Variants in SMC6 observed in about 807,000 individuals in gnomAD.
SMC6 encodes the protein structural maintenance of chromosomes 6.
SMC6 carries 79 observed loss-of-function variants against 142.2 expected under a neutral mutation model. That is an observed-to-expected ratio of 0.56 (90% confidence interval 0.46 to 0.67). SMC6 has a LOEUF of 0.67. SMC6 is among the 30% of genes least tolerant of loss of function. The probability of loss-of-function intolerance (pLI) is 0.00; values close to 1 mark genes in which losing one functional copy is unlikely to be tolerated. For synonymous variants in SMC6, 411 were observed against 412.4 expected (o/e 1.00, Z 0.04); for missense variants, 1,072 against 1,284.0 (o/e 0.83, Z 2.52).
intron 3 of SMC6, among the ~76,000 whole-genome samples, chr2:17,745,396 T>C (rs1670694836): frequency 6.6e-6 from 1 of 152,202 alleles, no homozygotes; most frequent in African/African-American, 2.4e-5. Flanking sequence ...ATTCAGATGA[T>C]CTATTTCGTA....
chr2:17,714,380 C>CACCGCG, intron 16 of SMC6, among the ~76,000 whole-genome samples: 1 of 152,080 alleles, frequency 6.6e-6, no homozygotes, highest in East Asian at 1.9e-4. Flanking sequence ...AGGCATGAGC[C>CACCGCG]CCTGTGCCTG....
At chr2:17,712,106 G>T (rs1668855128) in intron 16 of SMC6, among the ~76,000 whole-genome samples, 1 of 152,108 alleles carries the variant, frequency 6.6e-6, no homozygotes, top group Admixed American at 6.5e-5. Context: ...GGAATATGAA[G>T]TTTGAAGGAA....
intron 5 of SMC6, among the ~76,000 whole-genome samples, chr2:17,733,646 A>ATGG (rs1670012151): frequency 6.6e-6 from 1 of 152,230 alleles, no homozygotes; most frequent in Non-Finnish European, 1.5e-5. Context: ...AAGTCGAGAG[A>ATGG]TGGTGAATCC....
intron 23 of SMC6, among the ~76,000 whole-genome samples, chr2:17,684,455 T>C (rs1667360518): frequency 6.6e-6 from 1 of 152,148 alleles, no homozygotes; most frequent in South Asian, 2.1e-4. Flanking sequence ...AAAACTCTCC[T>C]ACAGACAAAG....
intron 5 of SMC6, among the ~76,000 whole-genome samples, chr2:17,737,416 G>C (rs985206366): frequency 2.0e-5 from 3 of 152,230 alleles, no homozygotes; most frequent in Admixed American, 2.0e-4. Flanking sequence ...CCTCATGCTA[G>C]AAGATGTATG....
rs779704870 is a variant in SMC6 at position 17,700,202 on chromosome 2, A to G, written c.2394+6T>C. 3 of 1,574,940 alleles carry G rather than the reference A, an allele frequency of 1.9e-6. No homozygotes were observed. Among genetic ancestry groups the G allele is most frequent in the Non-Finnish European group, 2.6e-6 (3 of 1,160,288 alleles). ...ACATACGTAACACAGTACCAAAAAT[A>G]TATACCTTAAGTGGGTCTGCTAGCT... is the stretch of plus-strand genomic sequence containing the variant. On this transcript the variant is annotated splice_donor_region_variant and intron_variant, in intron 21 of 27. Coordinates refer to ENST00000448223, the MANE Select transcript of SMC6 (RefSeq NM_001142286.2).
intron 15 of SMC6, among the ~76,000 whole-genome samples, 165 bp from the exon 16 acceptor site, chr2:17,715,230 TTTATA>T (rs1328393067): frequency 6.6e-6 from 1 of 152,172 alleles, no homozygotes. Context: ...TTAACATACT[TTTATA>T]TAAAGCAGTT....
Position 17,678,912 on chromosome 2 carries a change from C to A in SMC6, c.2857G>T (p.Ala953Ser), listed in dbSNP as rs778573533. The A allele has an allele frequency of 1.2e-6, 2 of 1,612,464 alleles. No individual in the cohort carries two copies. The highest frequency in any genetic ancestry group is 1.7e-6 in the Non-Finnish European group (2 of 1,179,232). ...LYFDNLLSQRAYCGKMNFDHK... is the reference protein window; with the variant it reads ...LYFDNLLSQRSYCGKMNFDHK... ...TCAAAATTCATTTTTCCACAATAGG[C>A]CCGCTGAGATAGTAAGTTGTCAAAG... Residue 953 changes from alanine to serine, a missense_variant, in exon 25 of 28, where the codon GCC (alanine) becomes TCC (serine). Physicochemically the swap from Ala to Ser is moderately conservative, Grantham distance 99. Transcript: ENST00000448223.
chr2:17,751,620 T>C (rs1052701721), intron 2 of SMC6, among the ~76,000 whole-genome samples: 1 of 152,166 alleles, frequency 6.6e-6, no homozygotes, highest in African/African-American at 2.4e-5. Flanking sequence ...CTACTGGAAG[T>C]AGTTTGAATT....
chr2:17,679,051 C>A, intron 24 of SMC6, 87 bp from the exon 25 acceptor site: 1 of 845,350 alleles, frequency 1.2e-6, no homozygotes, highest in Non-Finnish European at 1.8e-6. Context: ...TGTGAGAAAA[C>A]CAGATGGAAA....
intron 23 of SMC6, among the ~76,000 whole-genome samples, chr2:17,684,802 G>T (rs896428390): frequency 6.6e-6 from 1 of 152,038 alleles, no homozygotes; most frequent in Non-Finnish European, 1.5e-5. Flanking sequence ...CTCCAGCCTG[G>T]GTGACAGAGC....
Position 17,683,712 on chromosome 2 carries a change from C to T in SMC6, c.2730G>A (p.Arg910=), listed in dbSNP as rs758321588. The T allele has an allele frequency of 1.8e-5, 29 of 1,610,724 alleles. No individual in the cohort carries two copies. The highest frequency in any genetic ancestry group is 2.4e-5 in the Non-Finnish European group (28 of 1,177,348). ...GTAATTTAATAAACTTTTTTAAAGT[C>T]CTCACTTTACTATCCAGATCAAGAT... ...ETYLDLDSKV[R]TLKKFIKLLG... is the part of the protein sequence containing the mutation. The change falls in exon 24 of 28, where the codon AGG becomes AGA. Residue 910 remains arginine, a synonymous_variant. Transcript: ENST00000448223.
At chr2:17,721,699 C>CT (rs370093937) in intron 9 of SMC6, among the ~76,000 whole-genome samples, 29,922 of 142,484 alleles carry the variant, frequency 0.21, 3,269 homozygotes, top group Non-Finnish European at 0.23. Context: ...ACTAAGTTCA[C>CT]TTTTTTTTTT....
chr2:17,745,755 C>T, intron 3 of SMC6, 72 bp downstream of exon 3: 1 of 1,438,784 alleles, frequency 7.0e-7, no homozygotes, highest in Non-Finnish European at 9.3e-7. Context: ...TTTAAGTTAT[C>T]ACAGAATGTG....
chr2:17,750,300 A>G (rs1024311672), intron 2 of SMC6, among the ~76,000 whole-genome samples: 2 of 152,210 alleles, frequency 1.3e-5, no homozygotes, highest in Non-Finnish European at 2.9e-5. Context: ...AGAGATTTAA[A>G]AGACTGAATT....
Position 17,745,843 on chromosome 2 carries a change from C to T in SMC6, c.104G>A (p.Cys35Tyr), listed in dbSNP as rs1670721991. 1 of 1,610,966 alleles carries T rather than the reference C, an allele frequency of 6.2e-7. No individual in the cohort carries two copies. Among genetic ancestry groups the T allele is most frequent in the Non-Finnish European group, 8.5e-7 (1 of 1,178,984 alleles). ...DFDKDGDEDECKGTTLTAAEV... is the reference protein window; with the variant it reads ...DFDKDGDEDEYKGTTLTAAEV... ...TTCGCTTACCAAAGTAGTACCTTTA[C>T]ATTCGTCTTCGTCACCATCTTTATC... is the stretch of plus-strand genomic sequence containing the variant. Residue 35 changes from cysteine to tyrosine, a missense_variant, in exon 3 of 28, where the codon TGT becomes TAT. By Grantham distance (194) the Cys-to-Tyr change is radical. This residue lies in a region of SMC6 where 994 missense variants were observed against 1,153.2 expected (regional missense o/e 0.86). Coordinates refer to ENST00000448223, the MANE Select transcript of SMC6 (RefSeq NM_001142286.2).
intron 21 of SMC6, 58 bp downstream of exon 21, chr2:17,700,150 T>C (rs1207422045): frequency 8.3e-7 from 1 of 1,199,804 alleles, no homozygotes; most frequent in African/African-American, 1.5e-5. Context: ...ATAGAGTACA[T>C]GTGGATATAA....
chr2:17,746,008 C>T (rs12474069), intron 2 of SMC6, 57 bp from the exon 3 acceptor site: 650,423 of 1,400,450 alleles, frequency 0.46, 160,285 homozygotes, highest in African/African-American at 0.78. Context: ...ATATTAAACT[C>T]AACAAAATAA....
At chr2:17,738,772 C>A (rs1670282349) in intron 4 of SMC6, among the ~76,000 whole-genome samples, 1 of 152,196 alleles carries the variant, frequency 6.6e-6, no homozygotes, top group East Asian at 1.9e-4. Flanking sequence ...CCTGCCTCAG[C>A]CTCCTCAGTA....
Sources: gnomAD v4.1 joint callset for allele counts (sites outside exome capture counted in the v4.1 genomes callset) on GRCh38, gnomAD v4.1.1 for gene constraint, gnomAD v4.1.1 regional missense constraint, MANE v1.5 for transcripts, NCBI Gene and HGNC (gene_info 2026-07-23, HGNC 2026-07-21) for gene names.